The following DHFR2 variants were observed in gnomAD, a reference collection of about 807,000 sequenced individuals.
DHFR2 encodes dihydrofolate reductase 2, mitochondrial.
DHFR2 carries 11 observed loss-of-function variants against 12.0 expected under a neutral mutation model. The ratio of observed to expected loss-of-function variants is 0.92; its 90% CI spans 0.58 to 1.52. The LOEUF is 1.52. Among genes scored for constraint, DHFR2 ranks in the 40% most tolerant of loss-of-function variants. DHFR2 has a pLI of 0.00. For synonymous variants in DHFR2, 87 were observed against 79.6 expected, an observed-to-expected ratio of 1.09 and a Z score of -0.49; for missense variants, 188 against 221.2, an observed-to-expected ratio of 0.85 and a Z score of 0.95.
upstream of DHFR2, chr3:94,063,179 G>C (rs1248328612): frequency 2.5e-6 from 4 of 1,609,092 alleles, no homozygotes; most frequent in Non-Finnish European, 3.4e-6. Flanking sequence ...ATCTGAATGA[G>C]ACGCTTCTGG....
upstream of DHFR2, chr3:94,063,211 A>G (rs1030094358): frequency 1.3e-6 from 2 of 1,489,236 alleles, no homozygotes; most frequent in African/African-American, 1.4e-5. Context: ...GTGGCGAGGG[A>G]GGGTGCTGGG....
Position 94,059,499 on chromosome 3 carries a change from C to T in DHFR2, c.*1449G>A, listed in dbSNP as rs2077161310. 1 of 152,244 alleles carries T rather than the reference C, an allele frequency of 6.6e-6. No individual in the cohort carries two copies. The highest frequency in any genetic ancestry group is 1.5e-5 in the Non-Finnish European group (1 of 68,094). The allele number at this position is 152,244 out of a possible 1,614,324, so 9.4% of individuals were successfully genotyped here. ...ACAGGCGTGAGCCACCACTCCTGGC[C>T]AGTTTTTAATTCTCTCTCTACTTCT... On this transcript the variant is annotated 3_prime_UTR_variant, in exon 2 of 2. Coordinates refer to ENST00000314636, the MANE Select transcript of DHFR2 (RefSeq NM_176815.5).
rs1311439043 is a variant in DHFR2 at position 94,060,885 on chromosome 3, T to A, written c.*63A>T. ...AAGTCAACAAAAGTCCCTTTTCTAA[T>A]GTAAAAATGCATACTTTTCTCAGAG... On this transcript the variant is annotated 3_prime_UTR_variant, in exon 2 of 2. Transcript: ENST00000314636. The A allele has an allele frequency of 6.5e-7, 1 of 1,544,946 alleles. No individual in the cohort carries two copies. Among genetic ancestry groups the A allele is most frequent in the Non-Finnish European group, 8.8e-7 (1 of 1,142,252 alleles).
chr3:94,061,716 T>C (rs2077176489), intron 1 of DHFR2, 110 bp from the exon 2 acceptor site: 1 of 684,724 alleles, frequency 1.5e-6, no homozygotes, highest in Non-Finnish European at 1.9e-6. Flanking sequence ...TTATAAAATA[T>C]TTATAAAATA....
In DHFR2 at chr3:94,060,253, A is replaced by T. The variant is rs1468872260; in HGVS notation, c.*695T>A. The T allele has an allele frequency of 6.6e-6, 1 of 151,998 alleles. No homozygotes were observed. The highest frequency in any genetic ancestry group is 1.5e-5 in the Non-Finnish European group (1 of 68,162). The allele number at this position is 151,998 out of a possible 1,614,324, so 9.4% of individuals were successfully genotyped here. On this transcript the variant is annotated 3_prime_UTR_variant, in exon 2 of 2. Transcript: ENST00000314636. ...GACAACCAAGGAGTGGGGGTTAAATACTCTAGCTTTCTCCCCTCCGTTTCC... is the reference window on the plus strand; with the variant it reads ...GACAACCAAGGAGTGGGGGTTAAATTCTCTAGCTTTCTCCCCTCCGTTTCC...
upstream of DHFR2, chr3:94,062,985 C>A: frequency 1.1e-6 from 1 of 892,230 alleles, no homozygotes; most frequent in Non-Finnish European, 1.8e-6. Context: ...AAATCAGTAT[C>A]TCGCGAGAAA....
rs2077153606 is a variant in DHFR2 at position 94,058,288 on chromosome 3, A to T, written c.*2660T>A. The T allele has an allele frequency of 6.6e-6, 1 of 152,068 alleles. No individual in the cohort carries two copies. Among genetic ancestry groups the T allele is most frequent in the African/African-American group, 2.4e-5 (1 of 41,406 alleles). The allele number at this position is 152,068 out of a possible 1,614,324, so 9.4% of individuals were successfully genotyped here. A position where few individuals can be genotyped will look rare whatever the true frequency, so the allele number is the denominator to read the frequency against. Reference sequence around the variant, plus strand: ...GGTTTTAAAAAATTACTATTTTTTTAGTTTTTCAAGTGAATACATATATTA... The same window carrying T: ...GGTTTTAAAAAATTACTATTTTTTTTGTTTTTCAAGTGAATACATATATTA... On this transcript the variant is annotated 3_prime_UTR_variant, in exon 2 of 2. Coordinates refer to ENST00000314636, the MANE Select transcript of DHFR2 (RefSeq NM_176815.5).
In DHFR2 at chr3:94,061,252, G is replaced by T; in HGVS notation, c.260C>A (p.Ala87Asp). The change falls in exon 2 of 2, where the codon GCT becomes GAT. Residue 87 changes from alanine to aspartate, a missense_variant. Transcript: ENST00000314636. The stretch of plus-strand genomic sequence containing the variant: ...ATCCAAACTTCTGGCAAGAAAATGA[G>T]CTCCTTGTGGAGGTTCCTTGAGTTC... The part of the protein sequence containing the change: ...SRELKEPPQG[A>D]HFLARSLDDA... 3 of 1,613,952 alleles carry T rather than the reference G, an allele frequency of 1.9e-6. No homozygotes were observed. Among genetic ancestry groups the T allele is most frequent in the Non-Finnish European group, 2.5e-6 (3 of 1,179,862 alleles).
chr3:94,061,735 T>A lies in DHFR2; in HGVS notation c.-95-129A>T, dbSNP rs888607707. 4.1e-5 allele frequency: 27 copies of A among 654,110 alleles called. No homozygotes were observed. In the African/African-American group the frequency reaches 4.4e-4, roughly 11 times the overall value. The allele number at this position is 654,110 out of a possible 1,614,324, so 40.5% of individuals were successfully genotyped here. On this transcript the variant is annotated intron_variant, in intron 1 of 1. Transcript: ENST00000314636. Reference sequence around the variant, plus strand: ...AAAATATTTATAAAATATAAATTTATAAAATTATAAAAAATACAGAGGCTG... The same window carrying A: ...AAAATATTTATAAAATATAAATTTAAAAAATTATAAAAAATACAGAGGCTG...
chr3:94,058,732 G>GTTTTTTTTTTT lies in DHFR2; in HGVS notation c.*2205_*2215dup, dbSNP rs1221588717. Reference sequence around the variant, plus strand: ...CAACCCTTCCCCCTTGTTTTTTTTTGTTTTTTTTTTTTTTTACTTTTGCTT... The same window carrying GTTTTTTTTTTT: ...CAACCCTTCCCCCTTGTTTTTTTTTGTTTTTTTTTTTTTTTTTTTTTTTTTTACTTTTGCTT... On this transcript the variant is annotated 3_prime_UTR_variant, in exon 2 of 2. Transcript: ENST00000314636. The GTTTTTTTTTTT allele has an allele frequency of 1.6e-5, 2 of 126,806 alleles. No individual in the cohort carries two copies. The highest frequency in any genetic ancestry group is 1.7e-5 in the Non-Finnish European group (1 of 59,000). 7.9% of individuals were successfully genotyped at this position (126,806 alleles called of 1,614,324 possible). A position where few individuals can be genotyped will look rare whatever the true frequency, so the allele number is the denominator to read the frequency against.
Position 94,062,785 on chromosome 3 carries a change from A to T in DHFR2, c.-135T>A, listed in dbSNP as rs2077184324. The T allele has an allele frequency of 3.1e-6, 1 of 324,350 alleles. No individual in the cohort carries two copies. The highest frequency in any genetic ancestry group is 2.1e-5 in the African/African-American group (1 of 47,766). 20.1% of individuals were successfully genotyped at this position (324,350 alleles called of 1,614,324 possible). A position where few individuals can be genotyped will look rare whatever the true frequency, so the allele number is the denominator to read the frequency against. On this transcript the variant is annotated 5_prime_UTR_variant, in exon 1 of 2. Coordinates refer to ENST00000314636, the MANE Select transcript of DHFR2 (RefSeq NM_176815.5). Reference sequence around the variant, plus strand: ...AAGCAGGGGCCGCACAGGCGCGCAGATGTGTGACTTTCTAAGGTCCGGCCG... The same window carrying T: ...AAGCAGGGGCCGCACAGGCGCGCAGTTGTGTGACTTTCTAAGGTCCGGCCG...
intron 1 of DHFR2, among the ~76,000 whole-genome samples, 192 bp downstream of exon 1, chr3:94,062,554 T>G (rs972487284): frequency 6.6e-6 from 1 of 152,220 alleles, no homozygotes; most frequent in African/African-American, 2.4e-5. Context: ...ATATTTTAAA[T>G]CAGTCATCAT....
Position 94,060,169 on chromosome 3 carries a change from C to T in DHFR2, c.*779G>A, listed in dbSNP as rs1283052631. On this transcript the variant is annotated 3_prime_UTR_variant, in exon 2 of 2. Coordinates refer to ENST00000314636, the MANE Select transcript of DHFR2 (RefSeq NM_176815.5). ...TTACAGCAGCTTCTTTCAGCAAACA[C>T]CTGGAACTTGCTATTGAGTAGGTGG... 6.6e-6 allele frequency: 1 copy of T among 152,286 alleles called. No homozygotes were observed. The allele number at this position is 152,286 out of a possible 1,614,324, so 9.4% of individuals were successfully genotyped here.
At chr3:94,063,253 G>T (rs1051648097), upstream of DHFR2, 6 of 1,017,182 alleles carry the variant, frequency 5.9e-6, no homozygotes, top group Middle Eastern at 3.0e-4. Context: ...TCGTCCCCTC[G>T]CGAGATCAGC....
rs2077155634 is a variant in DHFR2, at chr3:94,058,575, T to A, written c.*2373A>T. On this transcript the variant is annotated 3_prime_UTR_variant, in exon 2 of 2. Transcript: ENST00000314636. ...ATTGTCCCAAAGTAGTTACCAGATT[T>A]AGGGGCTAAGCAGTCAGTCACCACA... The A allele has an allele frequency of 6.6e-6, 1 of 152,630 alleles. No homozygotes were observed. The highest frequency in any genetic ancestry group is 1.5e-5 in the Non-Finnish European group (1 of 68,354). The allele number at this position is 152,630 out of a possible 1,614,324, so 9.5% of individuals were successfully genotyped here. A position where few individuals can be genotyped will look rare whatever the true frequency, so the allele number is the denominator to read the frequency against.
In DHFR2 at chr3:94,061,146, A is replaced by G. The variant is rs1203573274; in HGVS notation, c.366T>C (p.Tyr122=). The G allele has an allele frequency of 6.2e-7, 1 of 1,613,804 alleles. No homozygotes were observed. Among genetic ancestry groups the G allele is most frequent in the Non-Finnish European group, 8.5e-7 (1 of 1,179,842 alleles). The change falls in exon 2 of 2, where the codon TAT becomes TAC. Residue 122 remains tyrosine (Y), a synonymous_variant. Coordinates refer to ENST00000314636, the MANE Select transcript of DHFR2 (RefSeq NM_176815.5). Reference sequence around the variant, plus strand: ...GGCCTAGGTGATTCATGGCTTCCTTATAAACAGAACTGCCACCAACTATCC... The same window carrying G: ...GGCCTAGGTGATTCATGGCTTCCTTGTAAACAGAACTGCCACCAACTATCC... The part of the protein sequence containing the change: ...MIWIVGGSSV[Y]KEAMNHLGHL...
In DHFR2 at chr3:94,058,118, T is replaced by G. The variant is rs2077152185; in HGVS notation, c.*2830A>C. 6.6e-6 allele frequency: 1 copy of G among 152,134 alleles called. No individual in the cohort carries two copies. Among genetic ancestry groups the G allele is most frequent in the Admixed American group, 6.5e-5 (1 of 15,274 alleles). The allele number at this position is 152,134 out of a possible 1,614,324, so 9.4% of individuals were successfully genotyped here. A position where few individuals can be genotyped will look rare whatever the true frequency, so the allele number is the denominator to read the frequency against. ...TAACTTTTTATTAAGATAGAATTAT[T>G]TTTATTAAAGAAATATATGAAAATG... On this transcript the variant is annotated 3_prime_UTR_variant, in exon 2 of 2. Transcript: ENST00000314636.
Position 94,061,324 on chromosome 3 carries a change from T to C in DHFR2, c.188A>G (p.Glu63Gly). 6.2e-7 allele frequency: 1 copy of C among 1,614,090 alleles called. No homozygotes were observed. Among genetic ancestry groups the C allele is most frequent in the Non-Finnish European group, 8.5e-7 (1 of 1,179,950 alleles). Residue 63 changes from glutamate (E) to glycine (G), a missense_variant, in exon 2 of 2, where the codon GAG becomes GGG. By Grantham distance (98) the Glu-to-Gly change is moderately conservative. Coordinates refer to ENST00000314636, the MANE Select transcript of DHFR2 (RefSeq NM_176815.5). The part of the protein sequence containing the change: ...MGRKTWFSIP[E>G]KNRPLKDRIN... ...TCTATCCTTTAAAGGTCGATTCTTC[T>C]CAGGAATGGAGAACCAGGTCTTCCT... is the stretch of plus-strand genomic sequence containing the variant.
Position 94,058,205 on chromosome 3 carries a change from T to A in DHFR2, c.*2743A>T, listed in dbSNP as rs1339401158. The A allele has an allele frequency of 6.6e-6, 1 of 152,210 alleles. No homozygotes were observed. Among genetic ancestry groups the A allele is most frequent in the East Asian group, 1.9e-4 (1 of 5,198 alleles). 9.4% of individuals were successfully genotyped at this position (152,210 alleles called of 1,614,324 possible). A position where few individuals can be genotyped will look rare whatever the true frequency, so the allele number is the denominator to read the frequency against. ...TGAAAACAGTCCTGCGACTTGTTCT[T>A]TCCAGAGGAAAGCACTTTTCATTCT... On this transcript the variant is annotated 3_prime_UTR_variant, in exon 2 of 2. Coordinates refer to ENST00000314636, the MANE Select transcript of DHFR2 (RefSeq NM_176815.5).
Sources: allele counts gnomAD v4.1 joint callset (sites outside exome capture counted in the v4.1 genomes callset), GRCh38; gene constraint gnomAD v4.1.1; transcripts MANE v1.5; gene names NCBI Gene and HGNC (gene_info 2026-07-23, HGNC 2026-07-21).